Variants in HEG1 observed in about 807,000 individuals in gnomAD.
HEG1 encodes the protein protein HEG homolog 1.
Under a neutral mutation model 125.6 loss-of-function variants are expected in HEG1, and 56 were observed. That is an observed-to-expected ratio of 0.45 (90% confidence interval 0.36 to 0.56). The LOEUF is 0.56. HEG1 is among the 20% of genes least tolerant of loss of function. The pLI, the probability that HEG1 is intolerant of heterozygous loss-of-function variation, is 0.00. For missense variants in HEG1, 1,523 were observed against 1,670.0 expected (o/e 0.91, Z 1.53); for synonymous variants, 644 against 668.5 (o/e 0.96, Z 0.57).
chr3:125,048,606 G>T (rs1202022666), intron 1 of HEG1, among the ~76,000 whole-genome samples: 1 of 152,248 alleles, frequency 6.6e-6, no homozygotes, highest in East Asian at 1.9e-4. Context: ...GGTGAGAGAG[G>T]TGGCCAGTCA....
chr3:125,055,990 A>C lies in HEG1; in HGVS notation c.-100T>G. The C allele has an allele frequency of 1.7e-6, 1 of 591,028 alleles. No homozygotes were observed. Among genetic ancestry groups the C allele is most frequent in the Non-Finnish European group, 2.1e-6 (1 of 471,468 alleles). 36.6% of individuals were successfully genotyped at this position (591,028 alleles called of 1,614,324 possible). A position where few individuals can be genotyped will look rare whatever the true frequency, so the allele number is the denominator to read the frequency against. The stretch of plus-strand genomic sequence containing the variant: ...GGGGCCGCGCGGGGCCGGGGAAGTG[A>C]GCGGAGTGAGGCTGCGAGCGCGCTC... On this transcript the variant is annotated 5_prime_UTR_variant, in exon 1 of 17. Transcript: ENST00000311127.
intron 1 of HEG1, among the ~76,000 whole-genome samples, chr3:125,055,212 G>GA (rs1368202926): frequency 6.6e-6 from 1 of 152,204 alleles, no homozygotes. Flanking sequence ...CTGTATAGCG[G>GA]AAAAAATGAA....
chr3:125,037,565 C>T (rs959671052), intron 1 of HEG1, among the ~76,000 whole-genome samples: 1 of 152,230 alleles, frequency 6.6e-6, no homozygotes, highest in African/African-American at 2.4e-5. Context: ...CAGTCATGGC[C>T]ATAACTGGTA....
At chr3:124,996,487 G>C (rs1560020110) in intron 12 of HEG1, among the ~76,000 whole-genome samples, 1 of 152,176 alleles carries the variant, frequency 6.6e-6, no homozygotes, top group Non-Finnish European at 1.5e-5. Context: ...GTCTGGCACG[G>C]CACTGAGACA....
intron 11 of HEG1, among the ~76,000 whole-genome samples, chr3:125,000,843 T>C (rs4286466): frequency 0.38 from 58,319 of 152,092 alleles, 12,896 homozygotes; most frequent in African/African-American, 0.61. Flanking sequence ...GCCAGATGGG[T>C]GGTTTAGACT....
At chr3:125,020,244 T>C (rs1937315660) in intron 4 of HEG1, among the ~76,000 whole-genome samples, 1 of 152,110 alleles carries the variant, frequency 6.6e-6, no homozygotes, top group Admixed American at 6.5e-5. Context: ...TGGGCAACAT[T>C]GCAAGACCCC....
rs779863755 is a variant in HEG1, at chr3:125,029,189, G to C, written c.610+6C>G. The C allele has an allele frequency of 1.2e-5, 19 of 1,609,494 alleles. No homozygotes were observed. Among genetic ancestry groups the C allele is most frequent in the Middle Eastern group, 1.9e-4 (1 of 5,382 alleles). On this transcript the variant is annotated splice_donor_region_variant and intron_variant, in intron 2 of 16. Transcript: ENST00000311127. ...CGTGAAATGCGCATCATCAGCACAA[G>C]CTCACCTAAGTTGCCACTCTGGGAA...
At chr3:124,978,535 C>T (rs567896633) in intron 14 of HEG1, among the ~76,000 whole-genome samples, 7 of 152,044 alleles carry the variant, frequency 4.6e-5, no homozygotes, top group Admixed American at 6.5e-5. Context: ...CACCAACCCA[C>T]GGTAGAAAGA....
In HEG1 at chr3:125,055,933, C is replaced by T. The variant is rs1315447241; in HGVS notation, c.-43G>A. On this transcript the variant is annotated 5_prime_UTR_variant, in exon 1 of 17. Transcript: ENST00000311127. ...GCGCTCACATGCCCGGCGCGCGGGG[C>T]GAGGGCAGCGGGCAGCGGGCAGCGG... 7 of 546,924 alleles carry T rather than the reference C, an allele frequency of 1.3e-5. No individual in the cohort carries two copies. The highest frequency in any genetic ancestry group is 1.5e-5 in the Non-Finnish European group (7 of 462,946). The allele number at this position is 546,924 out of a possible 1,614,324, so 33.9% of individuals were successfully genotyped here. A position where few individuals can be genotyped will look rare whatever the true frequency, so the allele number is the denominator to read the frequency against.
rs550788270 is a variant in HEG1, at chr3:125,011,908, T to C, written c.2956+715A>G. Among the ~76,000 whole-genome samples, 35 of 152,334 alleles carry C rather than the reference T, an allele frequency of 2.3e-4. No individual in the cohort carries two copies. The Middle Eastern group carries it at 0.014, about 59-fold the overall frequency. The stretch of plus-strand genomic sequence containing the variant: ...CCGTTCCTTAAATGACAAAGGATCA[T>C]TTGGCTGGCTTTACTTTCCTGGTAC... On this transcript the variant is annotated intron_variant, in intron 6 of 16. Transcript: ENST00000311127.
intron 5 of HEG1, among the ~76,000 whole-genome samples, chr3:125,018,888 G>C (rs1197970952): frequency 2.3e-5 from 3 of 129,174 alleles, no homozygotes; most frequent in Non-Finnish European, 4.8e-5. Flanking sequence ...TTTTTTTTGA[G>C]ACACTTTCGC....
intron 8 of HEG1, among the ~76,000 whole-genome samples, chr3:125,006,035 C>A (rs965904009): frequency 6.6e-6 from 1 of 152,180 alleles, no homozygotes; most frequent in Non-Finnish European, 1.5e-5. Flanking sequence ...GGCATTGGAG[C>A]GTATGCGTGT....
intron 14 of HEG1, among the ~76,000 whole-genome samples, chr3:124,987,960 T>TATATATATATATATATATATAC (rs1936770174): frequency 5.0e-5 from 2 of 40,320 alleles, no homozygotes; most frequent in African/African-American, 1.6e-4. Flanking sequence ...CACATATATA[T>TATATATATATATATATATATAC]ATATATATAT....
rs775215402 is a variant in HEG1, at chr3:124,977,915, G to C, written c.3765C>G (p.Ala1255=). 1 of 1,580,388 alleles carries C rather than the reference G, an allele frequency of 6.3e-7. No individual in the cohort carries two copies. Among genetic ancestry groups the C allele is most frequent in the African/African-American group, 1.3e-5 (1 of 74,136 alleles). The change falls in exon 15 of 17, where the codon GCC becomes GCG. Residue 1255 remains alanine (A), a synonymous_variant. Coordinates refer to ENST00000311127, the MANE Select transcript of HEG1 (RefSeq NM_020733.2). ...PYQLITVVIA[A]AGGGLLLILG... ...GGATGAGCAGGAGCCCACCTCCCGCGGCTGCGATCACCACAGTGATAAGCT... is the reference window on the plus strand; with the variant it reads ...GGATGAGCAGGAGCCCACCTCCCGCCGCTGCGATCACCACAGTGATAAGCT...
chr3:124,983,071 C>T (rs991066328), intron 14 of HEG1, among the ~76,000 whole-genome samples: 1 of 152,200 alleles, frequency 6.6e-6, no homozygotes, highest in African/African-American at 2.4e-5. Context: ...CTCGCTACCC[C>T]CAGCTGCTGA....
At chr3:125,009,679 A>G (rs759945346) in intron 8 of HEG1, 26 bp downstream of exon 8, 11 of 1,593,792 alleles carry the variant, frequency 6.9e-6, no homozygotes, top group East Asian at 2.2e-5. Context: ...TACGGAATAA[A>G]GTCCGAAATA....
At chr3:125,006,961 A>G (rs1481359479) in intron 8 of HEG1, among the ~76,000 whole-genome samples, 1 of 152,034 alleles carries the variant, frequency 6.6e-6, no homozygotes, top group Non-Finnish European at 1.5e-5. Flanking sequence ...GCACTTTGGG[A>G]GGCCGAGGCG....
chr3:125,020,350 G>T (rs1937316731), intron 4 of HEG1, among the ~76,000 whole-genome samples: 1 of 152,196 alleles, frequency 6.6e-6, no homozygotes, highest in Non-Finnish European at 1.5e-5. Context: ...ACCTGAGCCT[G>T]GAGAGGTTGA....
At chr3:125,021,274 C>A (rs1937332367) in intron 3 of HEG1, 144 bp from the exon 4 acceptor site, 1 of 640,010 alleles carries the variant, frequency 1.6e-6, no homozygotes, top group Non-Finnish European at 2.7e-6. Flanking sequence ...CATATCTATA[C>A]ACACGCATGC....
Sources: allele counts gnomAD v4.1 joint callset (sites outside exome capture counted in the v4.1 genomes callset), GRCh38; gene constraint gnomAD v4.1.1; transcripts MANE v1.5; gene names NCBI Gene and HGNC (gene_info 2026-07-23, HGNC 2026-07-21).